FBXL2: variants seen among roughly 807,000 people sequenced by gnomAD.
The protein encoded by FBXL2 is F-box and leucine rich repeat protein 2.
In FBXL2, 38 loss-of-function variants were observed where a neutral mutation model predicts 69.2. The ratio of observed to expected loss-of-function variants is 0.55; its 90% CI spans 0.42 to 0.72. FBXL2 has a LOEUF of 0.72. Ranked by LOEUF, FBXL2 falls within the 30% of genes least tolerant of loss-of-function variation. FBXL2 has a pLI of 0.00. For missense variants in FBXL2, 354 were observed against 520.3 expected, an observed-to-expected ratio of 0.68 and a Z score of 3.11; for synonymous variants, 192 against 201.3, an observed-to-expected ratio of 0.95 and a Z score of 0.39.
chr3:33,379,357 T>A (rs2042861771), intron 13 of FBXL2, among the ~76,000 whole-genome samples: 1 of 151,998 alleles, frequency 6.6e-6, no homozygotes, highest in South Asian at 2.1e-4. Context: ...GTAAAACATT[T>A]TACAACTCTT....
chr3:33,348,174 T>G (rs1353076721), intron 2 of FBXL2, among the ~76,000 whole-genome samples: 1 of 152,206 alleles, frequency 6.6e-6, no homozygotes, highest in African/African-American at 2.4e-5. Flanking sequence ...ATTTAAGTCT[T>G]TAATCCATTT....
rs551264063 is a variant in FBXL2 at position 33,326,315 on chromosome 3, A to T, written c.65+28590A>T. Among the ~76,000 whole-genome samples, 6 of 152,196 alleles carry T rather than the reference A, an allele frequency of 3.9e-5. 1 individual carries two copies. The highest frequency in any genetic ancestry group is 1.4e-4 in the African/African-American group (6 of 41,526). On this transcript the variant is annotated intron_variant, in intron 2 of 14. Transcript: ENST00000484457. The stretch of plus-strand genomic sequence containing the variant: ...GGAGATTGAGACCATCCTGGCTAAC[A>T]CGGTGAAACCCCGTCTCAACTAAAA...
chr3:33,289,654 G>A (rs2125694703), intron 1 of FBXL2: 1 of 575,148 alleles, frequency 1.7e-6, no homozygotes, highest in Non-Finnish European at 2.2e-6. Flanking sequence ...TGGAGTGACA[G>A]TTTGGAATCC....
chr3:33,409,288 G>A, the FBXL2 span: 1 of 1,614,066 alleles, frequency 6.2e-7, no homozygotes, highest in East Asian at 2.2e-5. Flanking sequence ...TTTTTCATGA[G>A]CTGTTCTCTT....
chr3:33,318,473 C>T (rs541817531), intron 2 of FBXL2, among the ~76,000 whole-genome samples: 2 of 152,100 alleles, frequency 1.3e-5, no homozygotes, highest in Non-Finnish European at 2.9e-5. Context: ...TTTGGCACTT[C>T]GTAATCTCTT....
the FBXL2 span, chr3:33,412,688 CTCA>C: frequency 2.1e-3 from 2,841 of 1,348,628 alleles, 13 homozygotes; most frequent in Non-Finnish European, 1.8e-3. Flanking sequence ...AAACAATACC[CTCA>C]TCTCCATGGT....
At chr3:33,362,638 T>C (rs2041704886) in intron 4 of FBXL2, among the ~76,000 whole-genome samples, 2 of 152,234 alleles carry the variant, frequency 1.3e-5, no homozygotes, top group Admixed American at 6.5e-5. Flanking sequence ...GTGTTCTCAT[T>C]GTTCAATTCC....
intron 2 of FBXL2, among the ~76,000 whole-genome samples, chr3:33,312,859 C>A (rs1308719507): frequency 6.6e-6 from 1 of 151,812 alleles, no homozygotes; most frequent in Admixed American, 6.6e-5. Flanking sequence ...GGTGGCTCAC[C>A]CCTGTAATCC....
chr3:33,409,658 A>G, the FBXL2 span: 3 of 1,610,066 alleles, frequency 1.9e-6, no homozygotes, highest in African/African-American at 2.7e-5. Flanking sequence ...TTATTTTTCT[A>G]TTTTGTTCCC....
At chr3:33,402,968 G>A (rs923201611) in intron 12 of FBXL2, 69 of 1,381,396 alleles carry the variant, frequency 5.0e-5, no homozygotes, top group Non-Finnish European at 6.3e-5. Flanking sequence ...AAATATTTTT[G>A]TAATTCACTC....
chr3:33,359,372 GT>G lies in FBXL2; in HGVS notation c.195+18del. ...CAGATGTAGAGGTAAGTTAGCTTTG[GT>G]TTAGACAAAAAACTTTTTAAAAATA... On this transcript the variant is annotated intron_variant, in intron 4 of 14. Coordinates refer to ENST00000484457, the MANE Select transcript of FBXL2 (RefSeq NM_012157.5). 2 of 1,599,482 alleles carry G rather than the reference GT, an allele frequency of 1.3e-6. No homozygotes were observed. The highest frequency in any genetic ancestry group is 8.5e-7 in the Non-Finnish European group (1 of 1,170,970).
the FBXL2 span, among the ~76,000 whole-genome samples, chr3:33,412,430 G>C: frequency 6.6e-6 from 1 of 151,492 alleles, no homozygotes; most frequent in Non-Finnish European, 1.5e-5. Context: ...CAAGACACAA[G>C]ATCCTAGAGG....
chr3:33,328,011 T>C (rs1305014222), intron 2 of FBXL2, among the ~76,000 whole-genome samples: 1 of 148,108 alleles, frequency 6.8e-6, no homozygotes, highest in Non-Finnish European at 1.5e-5. Context: ...AGTTGCAGGA[T>C]ACAAAGGCAG....
the FBXL2 span, chr3:33,409,749 A>G: frequency 1.9e-6 from 2 of 1,038,442 alleles, no homozygotes; most frequent in Non-Finnish European, 2.8e-6. Context: ...TTATCTATGA[A>G]CCTAATTGTT....
At chr3:33,388,855 G>T (rs2043637769), downstream of FBXL2, 2 of 152,190 alleles carry the variant, frequency 1.3e-5, no homozygotes, top group South Asian at 4.1e-4. Context: ...TTTACTCACT[G>T]AAGTAGTTTG....
At chr3:33,292,974 A>G (rs2035389062) in intron 1 of FBXL2, among the ~76,000 whole-genome samples, 1 of 152,228 alleles carries the variant, frequency 6.6e-6, no homozygotes, top group Admixed American at 6.5e-5. Context: ...CAAACAACAG[A>G]GCCACAAATA....
intron 2 of FBXL2, among the ~76,000 whole-genome samples, chr3:33,353,265 G>A (rs2040958636): frequency 6.6e-6 from 1 of 152,130 alleles, no homozygotes; most frequent in Non-Finnish European, 1.5e-5. Context: ...TAGTCAAGCA[G>A]TCACATACCT....
At chr3:33,405,602 G>A (rs903764311), downstream of FBXL2, among the ~76,000 whole-genome samples, 10 of 152,048 alleles carry the variant, frequency 6.6e-5, no homozygotes, top group Admixed American at 2.0e-4. Context: ...AAGGTGGGAG[G>A]ATCATTCTGA....
At chr3:33,340,837 A>T (rs935343919) in intron 2 of FBXL2, among the ~76,000 whole-genome samples, 2 of 138,528 alleles carry the variant, frequency 1.4e-5, no homozygotes, top group Admixed American at 7.7e-5. Flanking sequence ...GGTTGCAGTG[A>T]GCTGAGATTG....
Sources: allele counts gnomAD v4.1 joint callset (sites outside exome capture counted in the v4.1 genomes callset), GRCh38; gene constraint gnomAD v4.1.1; transcripts MANE v1.5; gene names NCBI Gene and HGNC (gene_info 2026-07-23, HGNC 2026-07-21).